Variants in TFRC observed in about 807,000 individuals in gnomAD.
TFRC encodes transferrin receptor protein 1.
TFRC carries 35 observed loss-of-function variants against 85.8 expected under a neutral mutation model. That is an observed-to-expected ratio of 0.41 (90% CI 0.31 to 0.54). The LOEUF is 0.54. Among genes scored for constraint, TFRC ranks in the 20% least tolerant of loss-of-function variants. The probability of loss-of-function intolerance (pLI) is 0.31; values close to 1 mark genes in which losing one functional copy is unlikely to be tolerated. For synonymous variants in TFRC, 362 were observed against 328.6 expected (o/e 1.10, Z -1.10); for missense variants, 828 against 921.5 (o/e 0.90, Z 1.31).
intron 9 of TFRC, 53 bp downstream of exon 9, chr3:196,067,465 T>C: frequency 6.4e-7 from 1 of 1,556,176 alleles, no homozygotes; most frequent in Non-Finnish European, 8.7e-7. Flanking sequence ...ATTACCGTTC[T>C]TCCCTAATCA....
At chr3:196,063,974 A>C (rs1717500732) in intron 11 of TFRC, among the ~76,000 whole-genome samples, 1 of 152,232 alleles carries the variant, frequency 6.6e-6, no homozygotes, top group Admixed American at 6.5e-5. Flanking sequence ...GTTAGGCCTC[A>C]GTACATGAGT....
intron 1 of TFRC, among the ~76,000 whole-genome samples, chr3:196,079,228 C>A (rs1718964505): frequency 6.6e-6 from 1 of 152,172 alleles, no homozygotes; most frequent in Non-Finnish European, 1.5e-5. Flanking sequence ...TTTAATCATC[C>A]TTTTCTAGGA....
In TFRC at chr3:196,071,387, T is replaced by C. The variant is rs480760; in HGVS notation, c.687+9A>G. On this transcript the variant is annotated intron_variant, in intron 6 of 18. Coordinates refer to ENST00000360110, the MANE Select transcript of TFRC (RefSeq NM_001128148.3). ...GGAAGAGTCTCATGCACTGTTTTGC[T>C]TTACTTACAGTAACTGTTGCAGCCT... 0.95 allele frequency: 1,537,717 copies of C among 1,611,512 alleles called. 735,999 individuals carry two copies. The highest frequency in any genetic ancestry group is 1 in the East Asian group (44,858 of 44,860).
At chr3:196,070,801 T>TAATAATAATAAC (rs1718130761) in intron 6 of TFRC, among the ~76,000 whole-genome samples, 1 of 138,056 alleles carries the variant, frequency 7.2e-6, no homozygotes. Context: ...ATAATAATAA[T>TAATAATAATAAC]AATAATAAAA....
Position 196,062,939 on chromosome 3 carries a change from T to C in TFRC, c.1319A>G (p.Asp440Gly). The C allele has an allele frequency of 1.2e-6, 2 of 1,613,876 alleles. No individual in the cohort carries two copies. The highest frequency in any genetic ancestry group is 1.7e-6 in the Non-Finnish European group (2 of 1,179,952). The change falls in exon 12 of 19, where the codon GAT becomes GGT. Residue 440 changes from aspartate (D) to glycine (G), a missense_variant and splice_region_variant. Transcript: ENST00000360110. ...AQMFSDMVLK[D>G]GFQPSRSIIF... ...AATGCTTCTGCTGGGCTGAAACCCA[T>C]CTGAAAGAGAAAAAAGTTAGCTTTA... is the stretch of plus-strand genomic sequence containing the variant.
At position 196,062,926 on chromosome 3, in the gene TFRC, G is replaced by C; in HGVS notation, c.1332C>G (p.Pro444=). The C allele has an allele frequency of 6.2e-7, 1 of 1,614,032 alleles. No homozygotes were observed. ...SDMVLKDGFQ[P]SRSIIFASWS... ...AACTGGCAAAGATAATGCTTCTGCT[G>C]GGCTGAAACCCATCTGAAAGAGAAA... Residue 444 remains proline, a synonymous_variant, in exon 12 of 19, where the codon CCC becomes CCG. Transcript: ENST00000360110.
intron 1 of TFRC, among the ~76,000 whole-genome samples, chr3:196,079,482 C>T (rs879728176): frequency 2.6e-5 from 4 of 152,064 alleles, no homozygotes; most frequent in Non-Finnish European, 5.9e-5. Context: ...GGCATGGTGG[C>T]GCATGCCTGT....
At chr3:196,061,041 T>C (rs1717239680) in intron 13 of TFRC, among the ~76,000 whole-genome samples, 1 of 152,158 alleles carries the variant, frequency 6.6e-6, no homozygotes, top group South Asian at 2.1e-4. Context: ...TAGAGAGGTT[T>C]AATTGTAACT....
chr3:196,065,661 G>A (rs757740501), intron 9 of TFRC, 61 bp from the exon 10 acceptor site: 26 of 1,498,350 alleles, frequency 1.7e-5, no homozygotes, highest in South Asian at 4.0e-5. Flanking sequence ...GTTTACTCCT[G>A]TCCAGTGAAG....
rs1049130971 is a variant in TFRC, at chr3:196,082,058, G to T, written c.-39C>A. ...CCGCACTCACACTAGCGCGTCCTCC[G>T]TCCCGAGCCGCCACCCGATATCCCG... On this transcript the variant is annotated 5_prime_UTR_variant, in exon 1 of 19. Transcript: ENST00000360110. The T allele has an allele frequency of 6.5e-6, 1 of 153,102 alleles. No homozygotes were observed. The highest frequency in any genetic ancestry group is 6.5e-5 in the Admixed American group (1 of 15,310). 9.5% of individuals were successfully genotyped at this position (153,102 alleles called of 1,614,324 possible). A position where few individuals can be genotyped will look rare whatever the true frequency, so the allele number is the denominator to read the frequency against.
chr3:196,067,025 C>A (rs974118126), intron 9 of TFRC, among the ~76,000 whole-genome samples: 1 of 152,250 alleles, frequency 6.6e-6, no homozygotes, highest in East Asian at 1.9e-4. Flanking sequence ...TCCAGAGGAG[C>A]GAGCCACAAC....
intron 11 of TFRC, among the ~76,000 whole-genome samples, chr3:196,063,998 ACTG>A (rs1313084787): frequency 1.3e-5 from 2 of 152,222 alleles, no homozygotes; most frequent in Non-Finnish European, 2.9e-5. Context: ...GAGGTATGCT[ACTG>A]CTTTCAAATA....
At chr3:196,066,335 G>A (rs1021765013) in intron 9 of TFRC, among the ~76,000 whole-genome samples, 6 of 152,132 alleles carry the variant, frequency 3.9e-5, no homozygotes, top group African/African-American at 1.2e-4. Context: ...GCTCACGCCT[G>A]TAATCCCAGC....
chr3:196,073,047 A>AACAAACAAAC (rs756106120), intron 4 of TFRC, among the ~76,000 whole-genome samples: 38,910 of 110,402 alleles, frequency 0.35, 6,073 homozygotes, highest in Non-Finnish European at 0.47. Flanking sequence ...AAAAAAAAAA[A>AACAAACAAAC]AAAAAAAAAA....
chr3:196,058,430 T>TC, intron 15 of TFRC, 65 bp from the exon 16 acceptor site: 5 of 1,515,528 alleles, frequency 3.3e-6, no homozygotes, highest in African/African-American at 1.4e-5. Flanking sequence ...ATCGTGCTAG[T>TC]CCCCCCATCC....
intron 1 of TFRC, among the ~76,000 whole-genome samples, chr3:196,080,051 C>T (rs1719039179): frequency 6.6e-6 from 1 of 152,136 alleles, no homozygotes; most frequent in South Asian, 2.1e-4. Context: ...ATAATGAAAA[C>T]ATTGGACCAG....
At chr3:196,053,782 A>T (rs2108634302) in intron 17 of TFRC, among the ~76,000 whole-genome samples, 1 of 152,352 alleles carries the variant, frequency 6.6e-6, no homozygotes, top group Admixed American at 6.5e-5. Context: ...TAAGAAATTG[A>T]ACATAATTAT....
At chr3:196,052,870 T>C (rs999627973) in intron 18 of TFRC, among the ~76,000 whole-genome samples, 2 of 151,642 alleles carry the variant, frequency 1.3e-5, no homozygotes. Flanking sequence ...ACCAGCACTT[T>C]GGGAGGCCAA....
chr3:196,057,293 C>CCTGTT (rs1390160207), intron 16 of TFRC, among the ~76,000 whole-genome samples: 4 of 152,172 alleles, frequency 2.6e-5, no homozygotes, highest in Non-Finnish European at 5.9e-5. Flanking sequence ...AAAATCCCGT[C>CCTGTT]CTGTTCTGTT....
Sources: allele counts gnomAD v4.1 joint callset (sites outside exome capture counted in the v4.1 genomes callset), GRCh38; gene constraint gnomAD v4.1.1; transcripts MANE v1.5; gene names NCBI Gene and HGNC (gene_info 2026-07-23, HGNC 2026-07-21).